The following SNTG2 variants were observed in gnomAD, a reference collection of about 807,000 sequenced individuals.
The protein encoded by SNTG2 is gamma-2-syntrophin.
A neutral mutation model predicts 70.9 loss-of-function variants in SNTG2; 74 were observed. That is an observed-to-expected ratio of 1.04 (90% CI 0.86 to 1.27). The LOEUF (loss-of-function observed/expected upper bound fraction) is 1.27. Ranked by LOEUF, SNTG2 falls within the 50% of genes most tolerant of loss-of-function variation. The pLI, the probability that SNTG2 is intolerant of heterozygous loss-of-function variation, is 0.00. For synonymous variants in SNTG2, 278 were observed against 273.8 expected, an observed-to-expected ratio of 1.02 and a Z score of -0.15; for missense variants, 717 against 690.7, an observed-to-expected ratio of 1.04 and a Z score of -0.43.
intron 8 of SNTG2, among the ~76,000 whole-genome samples, chr2:1,177,024 T>C (rs1000260388): frequency 1.3e-5 from 2 of 152,218 alleles, no homozygotes; most frequent in Non-Finnish European, 2.9e-5. Flanking sequence ...CAATAATACA[T>C]GCATGTGTAT....
intron 16 of SNTG2, among the ~76,000 whole-genome samples, chr2:1,345,713 G>T (rs1362620761): frequency 7.2e-4 from 21 of 29,304 alleles, no homozygotes; most frequent in African/African-American, 1.8e-3. Flanking sequence ...TCCTCTCACT[G>T]GGACTTTTAA....
chr2:1,270,795 C>T (rs1319119765), intron 14 of SNTG2, among the ~76,000 whole-genome samples: 1 of 152,198 alleles, frequency 6.6e-6, no homozygotes, highest in East Asian at 1.9e-4. Context: ...TATTTCCTGA[C>T]TTTGATCGTA....
intron 16 of SNTG2, among the ~76,000 whole-genome samples, chr2:1,320,261 A>G (rs1428988728): frequency 6.6e-6 from 1 of 152,066 alleles, no homozygotes; most frequent in African/African-American, 2.4e-5. Flanking sequence ...TTGGCCGGGC[A>G]TGGTGGCTCA....
intron 2 of SNTG2, among the ~76,000 whole-genome samples, chr2:1,095,895 G>A (rs185655611): frequency 2.0e-5 from 3 of 152,290 alleles, no homozygotes; most frequent in South Asian, 4.1e-4. Context: ...ACTCAGAAGC[G>A]TAAGGCTGTT....
At position 1,247,416 on chromosome 2, in the gene SNTG2, G is replaced by A. The variant is rs372880184; in HGVS notation, c.978G>A (p.Pro326=). The A allele has an allele frequency of 8.1e-6, 13 of 1,613,528 alleles. No individual in the cohort carries two copies. Among genetic ancestry groups the A allele is most frequent in the African/African-American group, 4.0e-5 (3 of 74,904 alleles). Residue 326 remains proline (P), a synonymous_variant, in exon 12 of 17, where the codon CCG becomes CCA. Transcript: ENST00000308624. ...CCAAGTTCCTAGCACTGAAGGGCCC[G>A]TCCTTCTACGTTTTCAGCACTCCTC... ...FRPKFLALKG[P]SFYVFSTPPV... is the part of the protein sequence containing the mutation.
At chr2:1,337,797 G>T (rs1325679996) in intron 16 of SNTG2, among the ~76,000 whole-genome samples, 3 of 152,104 alleles carry the variant, frequency 2.0e-5, no homozygotes, top group African/African-American at 7.2e-5. Flanking sequence ...TGTCATAAGT[G>T]TTTCCCTATG....
chr2:996,613 T>G (rs1166989114), intron 1 of SNTG2, among the ~76,000 whole-genome samples: 3 of 149,496 alleles, frequency 2.0e-5, no homozygotes, highest in Non-Finnish European at 4.4e-5. Context: ...TATGTGTGTA[T>G]ATATTGGTGG....
chr2:1,134,668 T>C (rs1051678434), intron 4 of SNTG2, among the ~76,000 whole-genome samples: 6 of 152,176 alleles, frequency 3.9e-5, no homozygotes, highest in Admixed American at 3.9e-4. Context: ...CTTCACCCAG[T>C]GGATCCCCCA....
At chr2:1,065,417 G>A (rs1663085146) in intron 1 of SNTG2, among the ~76,000 whole-genome samples, 1 of 152,122 alleles carries the variant, frequency 6.6e-6, no homozygotes, top group Admixed American at 6.5e-5. Context: ...ACTGAGAGGT[G>A]ACATCCCCCA....
intron 9 of SNTG2, among the ~76,000 whole-genome samples, chr2:1,222,312 T>C (rs1172159358): frequency 2.6e-5 from 4 of 152,254 alleles, no homozygotes; most frequent in Non-Finnish European, 5.9e-5. Flanking sequence ...TTTTGGACAT[T>C]AAGATCTTTT....
chr2:1,030,425 C>A (rs1047135876), intron 1 of SNTG2, among the ~76,000 whole-genome samples: 1 of 152,116 alleles, frequency 6.6e-6, no homozygotes, highest in Non-Finnish European at 1.5e-5. Context: ...AGACACTTGG[C>A]CTGTGATGAC....
intron 1 of SNTG2, among the ~76,000 whole-genome samples, chr2:987,171 GA>G (rs1450708506): frequency 6.6e-6 from 1 of 152,192 alleles, no homozygotes; most frequent in Non-Finnish European, 1.5e-5. Context: ...TCAGGTCCCG[GA>G]AACGCTGTAG....
chr2:1,077,754 G>A lies in SNTG2; in HGVS notation c.73-5764G>A, dbSNP rs999464784. 3.9e-5 allele frequency among the ~76,000 whole-genome samples: 6 copies of A among 152,050 alleles called. No individual in the cohort carries two copies. In the East Asian group the frequency reaches 1.2e-3, roughly 29 times the overall value. On this transcript the variant is annotated intron_variant, in intron 1 of 16. Coordinates refer to ENST00000308624, the MANE Select transcript of SNTG2 (RefSeq NM_018968.4). ...TTTGTTTTTCTACATCCCTGTGACT[G>A]TTGATCTCTCTGGAACGAACTTTGT...
rs578026127 is a variant in SNTG2 at position 1,323,872 on chromosome 2, C to T, written c.1488+7497C>T. Among the ~76,000 whole-genome samples the T allele has an allele frequency of 8.0e-5, 12 of 149,946 alleles. No homozygotes were observed. In the South Asian group the frequency reaches 1.3e-3, roughly 16 times the overall value. ...TAACAGTCATATTGCTGAGACCTCC[C>T]GCCACCCAGTAATGTGGGACATGGG... On this transcript the variant is annotated intron_variant, in intron 16 of 16. Coordinates refer to ENST00000308624, the MANE Select transcript of SNTG2 (RefSeq NM_018968.4).
intron 1 of SNTG2, among the ~76,000 whole-genome samples, chr2:1,055,495 T>C (rs1368145105): frequency 6.6e-6 from 1 of 152,076 alleles, no homozygotes; most frequent in Non-Finnish European, 1.5e-5. Context: ...CAACCTGCCT[T>C]GTGTGGGTCA....
At chr2:1,194,119 T>G (rs1260917669) in intron 8 of SNTG2, among the ~76,000 whole-genome samples, 1 of 152,162 alleles carries the variant, frequency 6.6e-6, no homozygotes, top group Non-Finnish European at 1.5e-5. Flanking sequence ...AGCAAAAGAG[T>G]GTTGTTTCCA....
chr2:1,065,445 C>T (rs1488594884), intron 1 of SNTG2, among the ~76,000 whole-genome samples: 1 of 152,112 alleles, frequency 6.6e-6, no homozygotes, highest in Non-Finnish European at 1.5e-5. Context: ...CCCAGCACAC[C>T]CTCTGAGAGT....
chr2:969,524 A>G (rs1660674044), intron 1 of SNTG2, among the ~76,000 whole-genome samples: 1 of 152,058 alleles, frequency 6.6e-6, no homozygotes, highest in South Asian at 2.1e-4. Flanking sequence ...TGTTTGTGTC[A>G]TCTCTGATTT....
chr2:1,166,195 G>A (rs1267504072), intron 7 of SNTG2, among the ~76,000 whole-genome samples: 1 of 152,160 alleles, frequency 6.6e-6, no homozygotes, highest in Non-Finnish European at 1.5e-5. Context: ...TATAAAGGTT[G>A]GAGTCACCAC....
Sources: gnomAD v4.1 joint callset for allele counts (sites outside exome capture counted in the v4.1 genomes callset) on GRCh38, gnomAD v4.1.1 for gene constraint, MANE v1.5 for transcripts, NCBI Gene and HGNC (gene_info 2026-07-23, HGNC 2026-07-21) for gene names.